The following WNT4 variants were observed in gnomAD, a reference collection of about 807,000 sequenced individuals.
WNT4 encodes protein Wnt-4.
In WNT4, 16 loss-of-function variants were observed where a neutral mutation model predicts 34.5. That is an observed-to-expected ratio of 0.46 (90% CI 0.31 to 0.70). The LOEUF (loss-of-function observed/expected upper bound fraction) is 0.70. WNT4 is among the 30% of genes least tolerant of loss of function. WNT4 has a pLI of 0.04. For synonymous variants in WNT4, 200 were observed against 211.9 expected (o/e 0.94, Z 0.49); for missense variants, 379 against 495.9 (o/e 0.76, Z 2.24).
chr1:22,120,967 CAT>C (rs1645892885), intron 4 of WNT4, among the ~76,000 whole-genome samples: 1 of 152,050 alleles, frequency 6.6e-6, no homozygotes, highest in Admixed American at 6.5e-5. Context: ...GGGATGGACA[CAT>C]ATATGTATGT....
At position 22,120,022 on chromosome 1, in the gene WNT4, G is replaced by T. The variant is rs767692496; in HGVS notation, c.*28C>A. The T allele has an allele frequency of 1.2e-6, 2 of 1,601,534 alleles. No individual in the cohort carries two copies. The highest frequency in any genetic ancestry group is 2.7e-5 in the African/African-American group (2 of 74,884). On this transcript the variant is annotated 3_prime_UTR_variant, in exon 5 of 5. Coordinates refer to ENST00000290167, the MANE Select transcript of WNT4 (RefSeq NM_030761.5). ...ATCGGCCTTCCCTGGGCCACTAGGTGGTTGCCGGCGCAGGGCTAGGCAGGC... is the reference window on the plus strand; with the variant it reads ...ATCGGCCTTCCCTGGGCCACTAGGTTGTTGCCGGCGCAGGGCTAGGCAGGC...
At chr1:22,124,809 T>C (rs1645928611) in intron 2 of WNT4, among the ~76,000 whole-genome samples, 1 of 152,176 alleles carries the variant, frequency 6.6e-6, no homozygotes, top group Non-Finnish European at 1.5e-5. Context: ...AATGAAGCCA[T>C]AGGCTTGCTG....
At chr1:22,131,568 G>A (rs1414450424) in intron 1 of WNT4, among the ~76,000 whole-genome samples, 1 of 152,180 alleles carries the variant, frequency 6.6e-6, no homozygotes, top group African/African-American at 2.4e-5. Flanking sequence ...CCTTTTCCCC[G>A]TGGCTGTGGA....
At chr1:22,127,500 A>G (rs1282035407) in intron 2 of WNT4, 1 of 530,314 alleles carries the variant, frequency 1.9e-6, no homozygotes, top group Non-Finnish European at 3.9e-6. Context: ...AAACAGGTCA[A>G]TGAGCCATGA....
At chr1:22,138,669 G>A (rs1437272601) in intron 1 of WNT4, among the ~76,000 whole-genome samples, 3 of 152,176 alleles carry the variant, frequency 2.0e-5, no homozygotes, top group South Asian at 2.1e-4. Flanking sequence ...TAAGGAGACG[G>A]ATTTTTGACT....
intron 2 of WNT4, among the ~76,000 whole-genome samples, chr1:22,121,992 A>T (rs1044965719): frequency 6.6e-6 from 1 of 152,204 alleles, no homozygotes; most frequent in Non-Finnish European, 1.5e-5. Context: ...ATGGAAGACC[A>T]GACAGGCTGG....
rs2124095426 is a variant in WNT4 at position 22,119,983 on chromosome 1, A to G, written c.*67T>C. 1 of 1,559,138 alleles carries G rather than the reference A, an allele frequency of 6.4e-7. No homozygotes were observed. The highest frequency in any genetic ancestry group is 8.7e-7 in the Non-Finnish European group (1 of 1,148,548). ...AGTATCTCTTGGGGTAGGTGGTGGG[A>G]GACTGTTTAAATTATCGGCCTTCCC... On this transcript the variant is annotated 3_prime_UTR_variant, in exon 5 of 5. Transcript: ENST00000290167.
At chr1:22,129,945 G>C in intron 1 of WNT4, 94 bp from the exon 2 acceptor site, 1 of 1,444,942 alleles carries the variant, frequency 6.9e-7, no homozygotes, top group Non-Finnish European at 9.6e-7. Flanking sequence ...TCTGGGAACT[G>C]ACTCGTCCCA....
Position 22,121,542 on chromosome 1 carries a change from A to C in WNT4, c.348T>G (p.Ser116=). The C allele has an allele frequency of 6.2e-7, 1 of 1,613,962 alleles. No individual in the cohort carries two copies. Among genetic ancestry groups the C allele is most frequent in the Non-Finnish European group, 8.5e-7 (1 of 1,180,036 alleles). Residue 116 remains serine (S), a synonymous_variant, in exon 3 of 5, where the codon TCT becomes TCG. Coordinates refer to ENST00000290167, the MANE Select transcript of WNT4 (RefSeq NM_030761.5). The stretch of plus-strand genomic sequence containing the variant: ...TCACTGCAAAGGCCACACCTGCCGA[A>C]GAGATGGCGTACACGAAGGCCGCCT... ...TREAAFVYAI[S]SAGVAFAVTR...
rs747875232 is a variant in WNT4, at chr1:22,129,812, C to G, written c.117G>C (p.Glu39Asp). 11 of 1,614,058 alleles carry G rather than the reference C, an allele frequency of 6.8e-6. No homozygotes were observed. The highest frequency in any genetic ancestry group is 9.3e-6 in the Non-Finnish European group (11 of 1,180,042). ...CCTTGAGTTTCTCGCACGTCTCCTC[C>G]TCTGAGATGCTCCCCACCGACGACA... ...AKLSSVGSIS[E>D]EETCEKLKGL... The change falls in exon 2 of 5, where the codon GAG (glutamate) becomes GAC (aspartate). Residue 39 changes from glutamate (E) to aspartate (D), a missense_variant. Physicochemically the swap from Glu to Asp is conservative, Grantham distance 45. Coordinates refer to ENST00000290167, the MANE Select transcript of WNT4 (RefSeq NM_030761.5).
rs754244159 is a variant in WNT4 at position 22,120,036 on chromosome 1, G to T, written c.*14C>A. On this transcript the variant is annotated 3_prime_UTR_variant, in exon 5 of 5. Coordinates refer to ENST00000290167, the MANE Select transcript of WNT4 (RefSeq NM_030761.5). ...GGCCACTAGGTGGTTGCCGGCGCAG[G>T]GCTAGGCAGGCGGTCATCGGCACGT... is the stretch of plus-strand genomic sequence containing the variant. 1.2e-6 allele frequency: 2 copies of T among 1,604,728 alleles called. No individual in the cohort carries two copies. Among genetic ancestry groups the T allele is most frequent in the South Asian group, 2.2e-5 (2 of 90,896 alleles).
rs200709414 is a variant in WNT4 at position 22,129,713 on chromosome 1, C to A, written c.216G>T (p.Gln72His). 6.2e-7 allele frequency: 1 copy of A among 1,613,864 alleles called. No homozygotes were observed. The highest frequency in any genetic ancestry group is 8.5e-7 in the Non-Finnish European group (1 of 1,180,042). ...EVMDSVRRGA[Q>H]LAIEECQYQF... ...GGTACTGGCACTCCTCAATGGCCAG[C>A]TGGGCACCGCGGCGCACCGAGTCCA... Residue 72 changes from glutamine to histidine, a missense_variant, in exon 2 of 5, where the codon CAG becomes CAT. By Grantham distance (24) the Gln-to-His change is conservative. Around this residue, in one of 2 missense-constraint regions of WNT4, gnomAD observed 313 missense variants for 445.8 expected, o/e 0.70. Coordinates refer to ENST00000290167, the MANE Select transcript of WNT4 (RefSeq NM_030761.5).
chr1:22,124,221 A>G (rs951439194), intron 2 of WNT4, among the ~76,000 whole-genome samples: 1 of 152,248 alleles, frequency 6.6e-6, no homozygotes, highest in African/African-American at 2.4e-5. Flanking sequence ...CTCCCTGGCC[A>G]GGGGCTTTCC....
intron 2 of WNT4, among the ~76,000 whole-genome samples, chr1:22,124,882 T>C (rs1570095219): frequency 6.6e-6 from 1 of 151,808 alleles, no homozygotes; most frequent in Non-Finnish European, 1.5e-5. Flanking sequence ...CCTGGGGAGG[T>C]GGGGCAGGAC....
chr1:22,124,175 C>T (rs1041840516), intron 2 of WNT4, among the ~76,000 whole-genome samples: 1 of 152,220 alleles, frequency 6.6e-6, no homozygotes, highest in Non-Finnish European at 1.5e-5. Flanking sequence ...GGGCAGGTAG[C>T]AGCGGGGGGG....
intron 1 of WNT4, among the ~76,000 whole-genome samples, chr1:22,138,910 CG>C (rs1646043647): frequency 6.6e-6 from 1 of 152,156 alleles, no homozygotes; most frequent in African/African-American, 2.4e-5. Flanking sequence ...GGAGCTTGGC[CG>C]GAAGTCGCAC....
chr1:22,126,224 C>A (rs1181153841), intron 2 of WNT4, among the ~76,000 whole-genome samples: 1 of 152,214 alleles, frequency 6.6e-6, no homozygotes, highest in East Asian at 1.9e-4. Flanking sequence ...CATCTTGCCT[C>A]CAGGCCAGGA....
In WNT4 at chr1:22,142,890, G is replaced by T; in HGVS notation, c.33C>A (p.Arg11=). 8.3e-7 allele frequency: 1 copy of T among 1,210,668 alleles called. No homozygotes were observed. The allele number at this position is 1,210,668 out of a possible 1,614,324, so 75.0% of individuals were successfully genotyped here. A position where few individuals can be genotyped will look rare whatever the true frequency, so the allele number is the denominator to read the frequency against. ...CTGAGAAGACGGCGAAGACGAGGAG[G>T]CGCAGCGAACGCAGGCACGAGCGGG... MSPRSCLRSL[R]LLVFAVFSAA... is the part of the protein sequence containing the mutation. The change falls in exon 1 of 5, where the codon CGC becomes CGA. Residue 11 remains arginine, a synonymous_variant. Transcript: ENST00000290167. The surrounding 1 kb of genome is among the most constrained non-coding windows in gnomAD (Gnocchi z 6.0).
chr1:22,127,880 C>G (rs10917158), intron 2 of WNT4, among the ~76,000 whole-genome samples: 26,053 of 152,044 alleles, frequency 0.17, 2,354 homozygotes, highest in African/African-American at 0.2. Context: ...TGGGTGTTTG[C>G]GGTGGAGGAC....
Sources: gnomAD v4.1 joint callset for allele counts (sites outside exome capture counted in the v4.1 genomes callset) on GRCh38, gnomAD v4.1.1 for gene constraint, gnomAD v4.1.1 regional missense constraint, Gnocchi (gnomAD v3.1) non-coding constraint, MANE v1.5 for transcripts, NCBI Gene and HGNC (gene_info 2026-07-23, HGNC 2026-07-21) for gene names.